The following ARHGAP44 variants were observed in gnomAD, a reference collection of about 807,000 sequenced individuals.
ARHGAP44 encodes the protein rho GTPase-activating protein 44.
A neutral mutation model predicts 106.8 loss-of-function variants in ARHGAP44; 43 were observed. The observed-to-expected ratio is 0.40, with a 90% CI of 0.32 to 0.52. ARHGAP44 has a LOEUF of 0.52. Among genes scored for constraint, ARHGAP44 ranks in the 20% least tolerant of loss-of-function variants. The pLI, the probability that ARHGAP44 is intolerant of heterozygous loss-of-function variation, is 0.48. For synonymous variants in ARHGAP44, 439 were observed against 410.3 expected, an observed-to-expected ratio of 1.07 and a Z score of -0.85; for missense variants, 866 against 1,050.5, an observed-to-expected ratio of 0.82 and a Z score of 2.43.
intron 1 of ARHGAP44, among the ~76,000 whole-genome samples, chr17:12,878,198 G>T (rs2036616269): frequency 6.6e-6 from 1 of 151,526 alleles, no homozygotes; most frequent in South Asian, 2.1e-4. Flanking sequence ...TGTATTCAGT[G>T]TTTCTCTAAC....
intron 1 of ARHGAP44, among the ~76,000 whole-genome samples, chr17:12,858,717 G>A (rs2035980113): frequency 6.6e-6 from 1 of 152,162 alleles, no homozygotes; most frequent in Admixed American, 6.5e-5. Context: ...AAATTGAGAT[G>A]AGGCCATTAG....
chr17:12,875,115 T>C (rs2036515872), intron 1 of ARHGAP44, among the ~76,000 whole-genome samples: 3 of 152,116 alleles, frequency 2.0e-5, no homozygotes, highest in African/African-American at 7.2e-5. Context: ...GGAGGGTTGG[T>C]TAAAACACAG....
At chr17:12,889,900 C>A (rs1307185686) in intron 1 of ARHGAP44, among the ~76,000 whole-genome samples, 4 of 152,248 alleles carry the variant, frequency 2.6e-5, no homozygotes, top group Non-Finnish European at 5.9e-5. Flanking sequence ...CTGGTTCCAA[C>A]TAAGTCCAAA....
chr17:12,953,859 C>T (rs2039058919), intron 13 of ARHGAP44, among the ~76,000 whole-genome samples: 1 of 151,950 alleles, frequency 6.6e-6, no homozygotes. Flanking sequence ...TTGCCAGGGG[C>T]TAGGAGACAG....
chr17:12,828,639 T>TTC (rs1555544630), intron 1 of ARHGAP44, among the ~76,000 whole-genome samples: 23 of 141,146 alleles, frequency 1.6e-4, no homozygotes, highest in African/African-American at 5.9e-4. Context: ...TTTCTTTCTT[T>TTC]TTTTTTTTTT....
chr17:12,797,936 C>T (rs1337805518), intron 1 of ARHGAP44, among the ~76,000 whole-genome samples: 1 of 152,044 alleles, frequency 6.6e-6, no homozygotes, highest in Non-Finnish European at 1.5e-5. Flanking sequence ...GGTAATTTGT[C>T]AGTGTTGTTA....
chr17:12,926,628 A>G (rs867998716), intron 6 of ARHGAP44, among the ~76,000 whole-genome samples: 2 of 150,424 alleles, frequency 1.3e-5, no homozygotes, highest in South Asian at 2.1e-4. Context: ...GATACTGACT[A>G]CAGGATAAAA....
chr17:12,937,816 A>G (rs138594894), intron 7 of ARHGAP44, among the ~76,000 whole-genome samples: 1 of 152,280 alleles, frequency 6.6e-6, no homozygotes, highest in African/African-American at 2.4e-5. Flanking sequence ...AAATCCTACC[A>G]TTGGCCAGGC....
chr17:12,799,543 T>C (rs955584538), intron 1 of ARHGAP44, among the ~76,000 whole-genome samples: 1 of 152,184 alleles, frequency 6.6e-6, no homozygotes, highest in African/African-American at 2.4e-5. Context: ...TCACTTTTCA[T>C]GGGCCAGTAC....
Position 12,991,433 on chromosome 17 carries a change from T to C in ARHGAP44, c.*1262T>C, listed in dbSNP as rs1375843895. ...AAAAATTTAAATGCTTAGTTATTTT[T>C]CCCAACACAGTGTAAAGTCACCCTC... On this transcript the variant is annotated 3_prime_UTR_variant, in exon 21 of 21. Transcript: ENST00000379672. 2 of 165,610 alleles carry C rather than the reference T, an allele frequency of 1.2e-5. No homozygotes were observed. Among genetic ancestry groups the C allele is most frequent in the Middle Eastern group, 2.5e-3 (1 of 402 alleles). The allele number at this position is 165,610 out of a possible 1,614,324, so 10.3% of individuals were successfully genotyped here.
intron 4 of ARHGAP44, among the ~76,000 whole-genome samples, chr17:12,910,446 CTT>C (rs3076662): frequency 2.4e-4 from 22 of 93,524 alleles, no homozygotes; most frequent in Non-Finnish European, 3.8e-4. Context: ...CTTATGTAGC[CTT>C]TTTTTTTTTT....
intron 20 of ARHGAP44, among the ~76,000 whole-genome samples, chr17:12,989,522 G>A (rs948195523): frequency 6.6e-6 from 1 of 152,140 alleles, no homozygotes; most frequent in Admixed American, 6.5e-5. Context: ...AGGGTCCTGA[G>A]GGAGACCTTC....
Position 12,974,259 on chromosome 17 carries a change from C to T in ARHGAP44, c.1712C>T (p.Pro571Leu), listed in dbSNP as rs2039610833. 1 of 1,512,122 alleles carries T rather than the reference C, an allele frequency of 6.6e-7. No homozygotes were observed. Among genetic ancestry groups the T allele is most frequent in the Non-Finnish European group, 8.8e-7 (1 of 1,132,676 alleles). The allele number at this position is 1,512,122 out of a possible 1,614,324, so 93.7% of individuals were successfully genotyped here. A position where few individuals can be genotyped will look rare whatever the true frequency, so the allele number is the denominator to read the frequency against. Reference sequence around the variant, plus strand: ...CAGCCCCTGGACAGCCCCGCGGCCCCCGCGCTCTCTCCATCCGGCCTGGGC... The same window carrying T: ...CAGCCCCTGGACAGCCCCGCGGCCCTCGCGCTCTCTCCATCCGGCCTGGGC... The part of the protein sequence containing the change: ...PEQPLDSPAA[P>L]ALSPSGLGLQ... Residue 571 changes from proline to leucine, a missense_variant, in exon 18 of 21, where the codon CCC becomes CTC. Coordinates refer to ENST00000379672, the MANE Select transcript of ARHGAP44 (RefSeq NM_014859.6).
chr17:12,974,444 C>T (rs2039619630), intron 18 of ARHGAP44, 134 bp downstream of exon 18: 2 of 794,954 alleles, frequency 2.5e-6, no homozygotes, highest in South Asian at 2.8e-5. Flanking sequence ...TCATATTTGG[C>T]TTCTGCGTCG....
At chr17:12,971,449 G>A (rs2039525302) in intron 16 of ARHGAP44, among the ~76,000 whole-genome samples, 1 of 152,180 alleles carries the variant, frequency 6.6e-6, no homozygotes, top group Non-Finnish European at 1.5e-5. Flanking sequence ...GTCACCATGT[G>A]AAACATCTCA....
chr17:12,806,201 A>C (rs1301328623), intron 1 of ARHGAP44, among the ~76,000 whole-genome samples: 1 of 152,160 alleles, frequency 6.6e-6, no homozygotes, highest in East Asian at 1.9e-4. Context: ...TGAGGTGCTC[A>C]TGGCGTGATG....
intron 1 of ARHGAP44, among the ~76,000 whole-genome samples, chr17:12,836,608 G>A (rs2035245415): frequency 1.3e-5 from 2 of 151,922 alleles, no homozygotes; most frequent in African/African-American, 4.8e-5. Flanking sequence ...AGATCACCGA[G>A]ATCACGCCAC....
chr17:12,821,514 C>T (rs1428756602), intron 1 of ARHGAP44, among the ~76,000 whole-genome samples: 5 of 152,104 alleles, frequency 3.3e-5, no homozygotes, highest in Admixed American at 3.3e-4. Flanking sequence ...GTTAGAAAAC[C>T]AGTCTTGTTA....
chr17:12,905,661 T>A (rs764359773), intron 3 of ARHGAP44, among the ~76,000 whole-genome samples: 1 of 152,232 alleles, frequency 6.6e-6, no homozygotes, highest in African/African-American at 2.4e-5. Context: ...TTCTGGTAGA[T>A]GTATTTCTTC....
Sources: gnomAD v4.1 joint callset for allele counts (sites outside exome capture counted in the v4.1 genomes callset) on GRCh38, gnomAD v4.1.1 for gene constraint, MANE v1.5 for transcripts, NCBI Gene and HGNC (gene_info 2026-07-23, HGNC 2026-07-21) for gene names.